The following EXOC6B variants were observed in gnomAD, a reference collection of about 807,000 sequenced individuals.
EXOC6B encodes the protein SEC15 homolog B.
A neutral mutation model predicts 113.5 loss-of-function variants in EXOC6B; 54 were observed. That is an observed-to-expected ratio of 0.48 (90% CI 0.38 to 0.60). EXOC6B has a LOEUF of 0.60. EXOC6B is among the 20% of genes least tolerant of loss of function. EXOC6B has a pLI of 0.00. For missense variants in EXOC6B, 797 were observed against 977.5 expected (o/e 0.82, Z 2.46); for synonymous variants, 357 against 339.0 (o/e 1.05, Z -0.58).
intron 20 of EXOC6B, among the ~76,000 whole-genome samples, chr2:72,243,168 A>G (rs950074001): frequency 1.3e-5 from 2 of 152,100 alleles, no homozygotes; most frequent in African/African-American, 2.4e-5. Flanking sequence ...GCCTCAGGAA[A>G]CTTACAATCA....
At chr2:72,652,735 A>G (rs1674280732) in intron 6 of EXOC6B, among the ~76,000 whole-genome samples, 1 of 148,226 alleles carries the variant, frequency 6.7e-6, no homozygotes, top group Non-Finnish European at 1.5e-5. Flanking sequence ...ATATATAATT[A>G]TACTCTATAT....
chr2:72,626,180 T>C (rs1212545179), intron 6 of EXOC6B, among the ~76,000 whole-genome samples: 1 of 152,110 alleles, frequency 6.6e-6, no homozygotes, highest in Non-Finnish European at 1.5e-5. Flanking sequence ...ATAAAGATAA[T>C]CCTCAATTCA....
chr2:72,734,393 T>G (rs994033515), intron 2 of EXOC6B, among the ~76,000 whole-genome samples: 2 of 152,134 alleles, frequency 1.3e-5, no homozygotes, highest in African/African-American at 2.4e-5. Flanking sequence ...TCAATACAAA[T>G]TAAGAGTGAT....
At chr2:72,495,098 T>C (rs1573253037) in intron 15 of EXOC6B, among the ~76,000 whole-genome samples, 1 of 152,170 alleles carries the variant, frequency 6.6e-6, no homozygotes, top group East Asian at 1.9e-4. Context: ...ATTCAAGCGA[T>C]CCTCCTGCCT....
At chr2:72,671,239 A>G (rs371479367) in intron 6 of EXOC6B, among the ~76,000 whole-genome samples, 1 of 152,238 alleles carries the variant, frequency 6.6e-6, no homozygotes, top group Admixed American at 6.5e-5. Context: ...CAAAGAATGG[A>G]AGAAAATGTT....
chr2:72,517,301 T>C (rs1351833391), intron 8 of EXOC6B, among the ~76,000 whole-genome samples: 1 of 152,178 alleles, frequency 6.6e-6, no homozygotes, highest in African/African-American at 2.4e-5. Context: ...ATTTTAAAAA[T>C]GTAAAAAACA....
At chr2:72,210,282 T>A (rs748336359) in intron 20 of EXOC6B, among the ~76,000 whole-genome samples, 1 of 152,218 alleles carries the variant, frequency 6.6e-6, no homozygotes, top group East Asian at 1.9e-4. Context: ...GAATTTACAA[T>A]TAATTAAGGA....
chr2:72,195,841 A>G (rs1176775850), intron 20 of EXOC6B, among the ~76,000 whole-genome samples: 1 of 152,220 alleles, frequency 6.6e-6, no homozygotes, highest in African/African-American at 2.4e-5. Context: ...AAAGCTATTT[A>G]TATTATTTGT....
intron 18 of EXOC6B, among the ~76,000 whole-genome samples, chr2:72,401,038 C>A (rs768404878): frequency 6.6e-6 from 1 of 151,722 alleles, no homozygotes; most frequent in Admixed American, 6.6e-5. Flanking sequence ...AAGGAATCAA[C>A]CTAAGTGTCC....
chr2:72,365,299 A>G (rs1690553184), intron 19 of EXOC6B, among the ~76,000 whole-genome samples: 1 of 152,268 alleles, frequency 6.6e-6, no homozygotes, highest in Admixed American at 6.5e-5. Context: ...GCTACTGGTT[A>G]TGATAAACTA....
chr2:72,432,925 T>C (rs2105304355), intron 18 of EXOC6B, among the ~76,000 whole-genome samples: 1 of 152,322 alleles, frequency 6.6e-6, no homozygotes, highest in East Asian at 1.9e-4. Flanking sequence ...TAGATCCCAT[T>C]TGTCAATTTT....
At chr2:72,774,553 C>G (rs1159105874) in intron 1 of EXOC6B, among the ~76,000 whole-genome samples, 1 of 152,102 alleles carries the variant, frequency 6.6e-6, no homozygotes, top group Non-Finnish European at 1.5e-5. Context: ...CAACTGCACT[C>G]CTGAGCATTT....
chr2:72,503,444 T>C (rs917319078), intron 11 of EXOC6B, among the ~76,000 whole-genome samples: 9 of 152,194 alleles, frequency 5.9e-5, no homozygotes, highest in African/African-American at 2.2e-4. Context: ...TGGGATCATA[T>C]AGTATGTAGC....
intron 1 of EXOC6B, among the ~76,000 whole-genome samples, chr2:72,796,687 TA>T (rs879442616): frequency 1.4e-3 from 202 of 145,870 alleles, no homozygotes; most frequent in Middle Eastern, 7.1e-3. Flanking sequence ...AATCCTAATT[TA>T]AAAAAAAAAA....
intron 20 of EXOC6B, among the ~76,000 whole-genome samples, chr2:72,237,086 T>C (rs1168917203): frequency 6.6e-6 from 1 of 152,146 alleles, no homozygotes; most frequent in African/African-American, 2.4e-5. Flanking sequence ...CAGAAGAATG[T>C]GGAAGTGCCA....
At chr2:72,518,483 G>GGTGTGTGTGT (rs138382972) in intron 8 of EXOC6B, among the ~76,000 whole-genome samples, 12 of 143,380 alleles carry the variant, frequency 8.4e-5, no homozygotes, top group African/African-American at 2.8e-4. Flanking sequence ...ATTAAAGTAG[G>GGTGTGTGTGT]GTGTGTGTGT....
chr2:72,255,453 C>T (rs1361436355), intron 20 of EXOC6B, among the ~76,000 whole-genome samples: 2 of 152,228 alleles, frequency 1.3e-5, no homozygotes. Flanking sequence ...GATGAAGCCA[C>T]CACAGGCCTG....
chr2:72,633,833 C>T (rs1242601776), intron 6 of EXOC6B, among the ~76,000 whole-genome samples: 1 of 152,036 alleles, frequency 6.6e-6, no homozygotes, highest in East Asian at 1.9e-4. Context: ...AAACTTTAAA[C>T]AAGTAATCAC....
intron 1 of EXOC6B, among the ~76,000 whole-genome samples, chr2:72,777,097 C>T (rs1391617133): frequency 2.6e-5 from 4 of 152,078 alleles, no homozygotes; most frequent in Non-Finnish European, 4.4e-5. Flanking sequence ...AAAAATCAGC[C>T]AGGCGTGGTG....
Sources: gnomAD v4.1 joint callset for allele counts (sites outside exome capture counted in the v4.1 genomes callset) on GRCh38, gnomAD v4.1.1 for gene constraint, MANE v1.5 for transcripts, NCBI Gene and HGNC (gene_info 2026-07-23, HGNC 2026-07-21) for gene names.